Variants in LDAH observed in about 807,000 individuals in gnomAD.
LDAH encodes lipid droplet associated hydrolase, also known as lipid droplet-associated hydrolase.
A neutral mutation model predicts 29.6 loss-of-function variants in LDAH; 26 were observed. That is an observed-to-expected ratio of 0.88 (90% CI 0.64 to 1.22). The LOEUF (loss-of-function observed/expected upper bound fraction) is 1.22. LDAH is among the 50% of genes most tolerant of loss of function. The pLI, the probability that LDAH is intolerant of heterozygous loss-of-function variation, is 0.00. For synonymous variants in LDAH, 117 were observed against 133.0 expected (o/e 0.88, Z 0.83); for missense variants, 344 against 387.3 (o/e 0.89, Z 0.94).
chr2:20,700,259 TC>T (rs1663827798), intron 6 of LDAH, among the ~76,000 whole-genome samples: 1 of 152,246 alleles, frequency 6.6e-6, no homozygotes, highest in Non-Finnish European at 1.5e-5. Context: ...AGTGAGGGCT[TC>T]CTTCTGGTTT....
chr2:20,755,009 GTTGA>G (rs897690873), intron 4 of LDAH, among the ~76,000 whole-genome samples: 45 of 152,148 alleles, frequency 3.0e-4, no homozygotes, highest in African/African-American at 1.0e-3. Context: ...CTGTACTGTG[GTTGA>G]TTAAGAGAAT....
chr2:20,770,006 C>T (rs1262246288), intron 4 of LDAH, among the ~76,000 whole-genome samples: 1 of 152,138 alleles, frequency 6.6e-6, no homozygotes, highest in Non-Finnish European at 1.5e-5. Flanking sequence ...AAAGCATTAT[C>T]ACCTAAGAAA....
chr2:20,693,473 AT>A, intron 6 of LDAH, among the ~76,000 whole-genome samples: 1 of 152,286 alleles, frequency 6.6e-6, no homozygotes, highest in South Asian at 2.1e-4. Flanking sequence ...TACATGTCAT[AT>A]TCCCCAGACA....
chr2:20,715,111 C>T (rs1665067255), intron 5 of LDAH, among the ~76,000 whole-genome samples: 1 of 152,202 alleles, frequency 6.6e-6, no homozygotes, highest in African/African-American at 2.4e-5. Context: ...CGCTGATGAA[C>T]ATCAGTGCAA....
At chr2:20,801,002 TTGA>T (rs1671620904) in intron 2 of LDAH, among the ~76,000 whole-genome samples, 1 of 152,134 alleles carries the variant, frequency 6.6e-6, no homozygotes, top group Admixed American at 6.6e-5. Flanking sequence ...GGCAAAAATA[TTGA>T]TGAAGTTTTA....
chr2:20,717,129 G>C (rs906802938), intron 5 of LDAH, among the ~76,000 whole-genome samples: 1 of 152,062 alleles, frequency 6.6e-6, no homozygotes, highest in East Asian at 1.9e-4. Flanking sequence ...TAGATCAAAA[G>C]GTAAAAGGCA....
intron 5 of LDAH, among the ~76,000 whole-genome samples, chr2:20,723,646 A>C (rs1369463821): frequency 6.6e-6 from 1 of 152,158 alleles, no homozygotes; most frequent in Non-Finnish European, 1.5e-5. Flanking sequence ...AATTGCTCCA[A>C]GGAAGCCATC....
intron 1 of LDAH, among the ~76,000 whole-genome samples, chr2:20,816,712 A>G (rs1672874605): frequency 6.6e-6 from 1 of 152,064 alleles, no homozygotes; most frequent in African/African-American, 2.4e-5. Flanking sequence ...GAACACCACC[A>G]TCAATGAACA....
At chr2:20,806,424 A>G (rs1409204380) in intron 1 of LDAH, among the ~76,000 whole-genome samples, 2 of 152,146 alleles carry the variant, frequency 1.3e-5, no homozygotes, top group African/African-American at 2.4e-5. Context: ...TATTAAACCT[A>G]CTTGGAAAAT....
intron 2 of LDAH, among the ~76,000 whole-genome samples, chr2:20,792,871 T>C (rs1238228789): frequency 6.6e-6 from 1 of 152,186 alleles, no homozygotes; most frequent in Non-Finnish European, 1.5e-5. Context: ...TATACCTATG[T>C]AACAAACGTG....
At chr2:20,809,093 G>A (rs2125133381) in intron 1 of LDAH, among the ~76,000 whole-genome samples, 1 of 152,010 alleles carries the variant, frequency 6.6e-6, no homozygotes, top group East Asian at 1.9e-4. Flanking sequence ...GTAAACATGA[G>A]CCATAAAGGA....
intron 1 of LDAH, among the ~76,000 whole-genome samples, chr2:20,807,737 T>C (rs1472495207): frequency 1.3e-5 from 2 of 151,900 alleles, no homozygotes; most frequent in Admixed American, 1.3e-4. Context: ...TTAAAAATCT[T>C]CAGTAAATGT....
intron 5 of LDAH, among the ~76,000 whole-genome samples, chr2:20,705,592 T>G (rs1424585400): frequency 6.6e-6 from 1 of 152,190 alleles, no homozygotes. Context: ...TTTCAATTTG[T>G]ATTATTTTCT....
chr2:20,774,017 C>T (rs1669617787), intron 4 of LDAH, among the ~76,000 whole-genome samples: 1 of 152,200 alleles, frequency 6.6e-6, no homozygotes, highest in South Asian at 2.1e-4. Context: ...GACTGTCTTA[C>T]TCTCTGGGAT....
chr2:20,817,926 G>C (rs1346540452), intron 1 of LDAH, among the ~76,000 whole-genome samples: 1 of 152,128 alleles, frequency 6.6e-6, no homozygotes, highest in Non-Finnish European at 1.5e-5. Context: ...CAAAATTATA[G>C]AGATAGAGCA....
chr2:20,696,695 T>TGCTTAGAACAGTGACAGAACA (rs1158122489), intron 6 of LDAH, among the ~76,000 whole-genome samples: 79 of 152,324 alleles, frequency 5.2e-4, no homozygotes, highest in Non-Finnish European at 1.0e-3. Flanking sequence ...GCATCCCTTA[T>TGCTTAGAACAGTGACAGAACA]GGCTTAGAAC....
chr2:20,707,444 CA>C, intron 5 of LDAH, among the ~76,000 whole-genome samples: 1 of 152,302 alleles, frequency 6.6e-6, no homozygotes, highest in Admixed American at 6.5e-5. Flanking sequence ...CAGTTGTCTC[CA>C]TGCTTGCCAT....
chr2:20,695,962 TCCC>T (rs1663440314), intron 6 of LDAH, among the ~76,000 whole-genome samples: 2 of 152,106 alleles, frequency 1.3e-5, no homozygotes, highest in South Asian at 4.1e-4. Context: ...CACGTTTGCC[TCCC>T]CTCAGTCACC....
intron 6 of LDAH, among the ~76,000 whole-genome samples, chr2:20,694,651 C>T (rs898712947): frequency 2.0e-5 from 3 of 152,198 alleles, no homozygotes; most frequent in Admixed American, 1.3e-4. Flanking sequence ...GGTGAAAACA[C>T]AAATGCTTCC....
Sources: allele counts gnomAD v4.1 joint callset (sites outside exome capture counted in the v4.1 genomes callset), GRCh38; gene constraint gnomAD v4.1.1; transcripts MANE v1.5; gene names NCBI Gene and HGNC (gene_info 2026-07-23, HGNC 2026-07-21).